CREB3L3: variants seen among roughly 807,000 people sequenced by gnomAD.
CREB3L3 encodes the protein cyclic AMP-responsive element-binding protein 3-like protein 3.
In CREB3L3, 40 loss-of-function variants were observed where a neutral mutation model predicts 44.6. That is an observed-to-expected ratio of 0.90 (90% CI 0.70 to 1.17). CREB3L3 has a LOEUF of 1.17. Ranked by LOEUF, CREB3L3 falls within the 50% of genes most tolerant of loss-of-function variation. CREB3L3 has a pLI of 0.00. For synonymous variants in CREB3L3, 273 were observed against 256.3 expected (o/e 1.06, Z -0.62); for missense variants, 578 against 595.8 (o/e 0.97, Z 0.31).
At chr19:4,163,412 T>C (rs1217511588) in intron 4 of CREB3L3, among the ~76,000 whole-genome samples, 1 of 151,150 alleles carries the variant, frequency 6.6e-6, no homozygotes, top group East Asian at 1.9e-4. Flanking sequence ...ATTTTGCGCG[T>C]GTGTGAGGAT....
rs144868958 is a variant in CREB3L3, at chr19:4,159,725, C to T, written c.519C>T (p.Ser173=). 2.5e-3 allele frequency: 3,952 copies of T among 1,601,478 alleles called. 12 individuals carry two copies. Among genetic ancestry groups the T allele is most frequent in the Non-Finnish European group, 2.9e-3 (3,425 of 1,168,644 alleles). Residue 173 remains serine (S), a synonymous_variant, in exon 4 of 10, where the codon TCC becomes TCT. Coordinates refer to ENST00000078445, the MANE Select transcript of CREB3L3 (RefSeq NM_032607.3). ...AEKPADPVDL[S]PRCNLTVKDL... ...AGCCGGCTGATCCGGTGGACCTGTC[C>T]CCACGATGCAATCTCACCGTGAAAG...
intron 4 of CREB3L3, among the ~76,000 whole-genome samples, chr19:4,161,575 G>C (rs558058399): frequency 1.3e-5 from 2 of 152,174 alleles, no homozygotes; most frequent in African/African-American, 4.8e-5. Context: ...CCCTGCCAAG[G>C]GCTTCACGCT....
chr19:4,163,859 C>T (rs957799115), intron 4 of CREB3L3, among the ~76,000 whole-genome samples: 1 of 146,326 alleles, frequency 6.8e-6, no homozygotes, highest in African/African-American at 2.6e-5. Flanking sequence ...GGCTGGAGTG[C>T]AGTGGTGTGA....
chr19:4,169,443 G>A (rs528188199), intron 6 of CREB3L3, among the ~76,000 whole-genome samples: 1 of 152,118 alleles, frequency 6.6e-6, no homozygotes, highest in East Asian at 1.9e-4. Context: ...TTGTGCCACT[G>A]CATTCCAGCC....
At position 4,156,745 on chromosome 19, in the gene CREB3L3, G is replaced by A. The variant is rs577889647; in HGVS notation, c.157-250G>A. On this transcript the variant is annotated intron_variant, in intron 2 of 9. Transcript: ENST00000078445. ...TCGAACTCCTGACCTCAAGTGATTCGCCCTCCTCGGCCTCCCAAAGTGCTG... is the reference window on the plus strand; with the variant it reads ...TCGAACTCCTGACCTCAAGTGATTCACCCTCCTCGGCCTCCCAAAGTGCTG... Among the ~76,000 whole-genome samples the A allele has an allele frequency of 1.1e-4, 16 of 151,586 alleles. No individual in the cohort carries two copies. In the East Asian group the frequency reaches 1.2e-3, roughly 11 times the overall value.
intron 5 of CREB3L3, among the ~76,000 whole-genome samples, chr19:4,165,119 C>T (rs889508479): frequency 5.3e-5 from 8 of 152,020 alleles, no homozygotes; most frequent in African/African-American, 1.9e-4. Context: ...GGGTAATTAT[C>T]AACATCCAGG....
chr19:4,157,669 G>T (rs888027742), intron 3 of CREB3L3, among the ~76,000 whole-genome samples: 5 of 152,004 alleles, frequency 3.3e-5, no homozygotes, highest in African/African-American at 1.2e-4. Context: ...GTTCCTAGTA[G>T]ATTTTTTTTT....
intron 3 of CREB3L3, among the ~76,000 whole-genome samples, chr19:4,157,669 G>C (rs888027742): frequency 2.0e-5 from 3 of 152,004 alleles, no homozygotes; most frequent in Non-Finnish European, 4.4e-5. Context: ...GTTCCTAGTA[G>C]ATTTTTTTTT....
intron 3 of CREB3L3, among the ~76,000 whole-genome samples, chr19:4,157,511 G>A (rs534102962): frequency 1.3e-5 from 2 of 152,116 alleles, no homozygotes; most frequent in African/African-American, 2.4e-5. Context: ...TTTCCAGATC[G>A]TGAAACAGTC....
intron 3 of CREB3L3, among the ~76,000 whole-genome samples, chr19:4,157,604 C>G (rs551506335): frequency 6.6e-6 from 1 of 152,234 alleles, no homozygotes; most frequent in African/African-American, 2.4e-5. Flanking sequence ...ATGGTGCTGA[C>G]AAGCACAGCC....
Position 4,157,059 on chromosome 19 carries a change from T to C in CREB3L3, c.221T>C (p.Leu74Pro). 1 of 1,614,064 alleles carries C rather than the reference T, an allele frequency of 6.2e-7. No individual in the cohort carries two copies. Residue 74 changes from leucine to proline, a missense_variant, in exon 3 of 10, where the codon CTG becomes CCG. By Grantham distance (98) the Leu-to-Pro change is moderately conservative. Coordinates refer to ENST00000078445, the MANE Select transcript of CREB3L3 (RefSeq NM_032607.3). ...TCCATCCTGGGCTCTGGAGACTCAC[T>C]GCCCAGCTCCCCACTCTGGTCCCCC... ...LSSILGSGDS[L>P]PSSPLWSPEG...
In CREB3L3 at chr19:4,153,684, G is replaced by A. The variant is rs2145113357; in HGVS notation, c.-64G>A. On this transcript the variant is annotated 5_prime_UTR_variant, in exon 1 of 10. Coordinates refer to ENST00000078445, the MANE Select transcript of CREB3L3 (RefSeq NM_032607.3). The stretch of plus-strand genomic sequence containing the variant: ...CCCGGCCCCAGGTAACGCTGGCGGT[G>A]GGTGGGCCTCCAGCTTGGAGCAGAG... 6.3e-7 allele frequency: 1 copy of A among 1,598,792 alleles called. No homozygotes were observed. The highest frequency in any genetic ancestry group is 1.7e-4 in the Middle Eastern group (1 of 6,024).
chr19:4,158,615 C>T (rs1432939464), intron 3 of CREB3L3, among the ~76,000 whole-genome samples: 1 of 152,048 alleles, frequency 6.6e-6, no homozygotes, highest in African/African-American at 2.4e-5. Context: ...TCCTGGCCAA[C>T]ATGGTGAAAC....
Position 4,168,353 on chromosome 19 carries a change from C to A in CREB3L3, c.717C>A (p.Tyr239Ter), listed in dbSNP as rs770536224. The A allele has an allele frequency of 6.2e-7, 1 of 1,607,840 alleles. No individual in the cohort carries two copies. The highest frequency in any genetic ancestry group is 1.3e-5 in the African/African-American group (1 of 74,672). The change falls in exon 6 of 10, where the codon TAC becomes TAA. Residue 239 changes from tyrosine to a stop codon, truncating the protein, a stop_gained and splice_region_variant. Transcript: ENST00000078445. LOFTEE classifies it high-confidence loss of function. ...CTCCTCCCCATTTCACTTGGCAGTA[C>A]GAGGAGCGAGTGCTGAAAAAAATCC... The part of the protein sequence containing the change: ...TLPTQLPLTK[Y>*]EERVLKKIRR...
intron 1 of CREB3L3, among the ~76,000 whole-genome samples, chr19:4,154,071 A>AT (rs1325782790): frequency 6.6e-6 from 1 of 151,596 alleles, no homozygotes; most frequent in Non-Finnish European, 1.5e-5. Flanking sequence ...ATTTTATTTT[A>AT]TTTTTATTTT....
intron 2 of CREB3L3, among the ~76,000 whole-genome samples, chr19:4,155,650 C>G (rs1403944801): frequency 6.6e-6 from 1 of 152,038 alleles, no homozygotes; most frequent in East Asian, 1.9e-4. Flanking sequence ...GCCACCGCGC[C>G]CGGCCCACTT....
rs183501484 is a variant in CREB3L3, at chr19:4,163,238, G to A, written c.577-1265G>A. ...CAGGAGAATGGCGTGAACCCGGGAA[G>A]CAGAGCTTGCAGTGAGCCGAGATCG... On this transcript the variant is annotated intron_variant, in intron 4 of 9. Transcript: ENST00000078445. Among the ~76,000 whole-genome samples, 362 of 151,952 alleles carry A rather than the reference G, an allele frequency of 2.4e-3. 2 individuals carry two copies. The highest frequency in any genetic ancestry group is 8.4e-3 in the African/African-American group (347 of 41,468).
rs1967007321 is a variant in CREB3L3 at position 4,170,008 on chromosome 19, C to T, written c.822-132C>T. ...AGCCCTGTCTGACCTGCCGAGTAAC[C>T]TTGGATGAATGACTTCCCCTCTCTG... is the stretch of plus-strand genomic sequence containing the variant. On this transcript the variant is annotated intron_variant, in intron 6 of 9. Transcript: ENST00000078445. The T allele has an allele frequency of 3.5e-6, 3 of 868,504 alleles. No homozygotes were observed. In the Admixed American group the frequency reaches 5.5e-5, roughly 16 times the overall value. 53.8% of individuals were successfully genotyped at this position (868,504 alleles called of 1,614,324 possible).
At chr19:4,161,333 T>G (rs2041660943) in intron 4 of CREB3L3, among the ~76,000 whole-genome samples, 1 of 152,098 alleles carries the variant, frequency 6.6e-6, no homozygotes, top group Admixed American at 6.6e-5. Context: ...AGGCTGGTCT[T>G]GAACTCGTAG....
Sources: allele counts gnomAD v4.1 joint callset (sites outside exome capture counted in the v4.1 genomes callset), GRCh38; gene constraint gnomAD v4.1.1; transcripts MANE v1.5; gene names NCBI Gene and HGNC (gene_info 2026-07-23, HGNC 2026-07-21).